NXPH1: variants seen among roughly 807,000 people sequenced by gnomAD.
The protein encoded by NXPH1 is neurexophilin-1.
NXPH1 carries 5 observed loss-of-function variants against 23.7 expected under a neutral mutation model. That is an observed-to-expected ratio of 0.21 (90% CI 0.11 to 0.44). The LOEUF (loss-of-function observed/expected upper bound fraction) is 0.44. Among genes scored for constraint, NXPH1 ranks in the 20% least tolerant of loss-of-function variants. The pLI is 0.99. For missense variants in NXPH1, 324 were observed against 321.6 expected, an observed-to-expected ratio of 1.01 and a Z score of -0.06; for synonymous variants, 144 against 122.2, an observed-to-expected ratio of 1.18 and a Z score of -1.18.
rs564773622 is a variant in NXPH1 at position 8,458,408 on chromosome 7, T to C, written c.54+22641T>C. 2.0e-5 allele frequency among the ~76,000 whole-genome samples: 3 copies of C among 152,340 alleles called. No homozygotes were observed. In the South Asian group the frequency reaches 6.2e-4, roughly 32 times the overall value. ...AACATTCTAATACAGATTCCTAATA[T>C]ACCCTGATACAGATTCTCTCAGTTT... On this transcript the variant is annotated intron_variant, in intron 2 of 2. Transcript: ENST00000405863.
intron 2 of NXPH1, among the ~76,000 whole-genome samples, chr7:8,681,499 G>A (rs955533119): frequency 7.9e-5 from 12 of 152,012 alleles, no homozygotes; most frequent in Admixed American, 7.2e-4. Context: ...TCCATGAGTT[G>A]GAACTGTGCC....
chr7:8,647,050 C>T (rs756549876), intron 2 of NXPH1, among the ~76,000 whole-genome samples: 18 of 152,154 alleles, frequency 1.2e-4, no homozygotes, highest in South Asian at 2.1e-4. Flanking sequence ...CCTAGCCACC[C>T]CTGGGACAGG....
chr7:8,667,996 GT>G (rs1820802147), intron 2 of NXPH1, among the ~76,000 whole-genome samples: 2 of 151,562 alleles, frequency 1.3e-5, no homozygotes, highest in Admixed American at 1.3e-4. Flanking sequence ...TTTTGTTGTT[GT>G]TGTTGTTGTT....
intron 2 of NXPH1, among the ~76,000 whole-genome samples, chr7:8,536,253 C>T (rs911997673): frequency 3.3e-5 from 5 of 151,966 alleles, no homozygotes; most frequent in African/African-American, 9.7e-5. Context: ...CATGTATCAA[C>T]GCATATAATA....
chr7:8,654,361 A>T (rs1820539452), intron 2 of NXPH1, among the ~76,000 whole-genome samples: 1 of 152,204 alleles, frequency 6.6e-6, no homozygotes, highest in Non-Finnish European at 1.5e-5. Context: ...TGTGTAGCTC[A>T]GCTGTTTTGA....
Position 8,708,695 on chromosome 7 carries a change from A to AT in NXPH1, c.55-42303dup, listed in dbSNP as rs143158399. ...TGTTTCTCTATATCCACCCCATACA[A>AT]TTTTTTTTTTACAGAATTGCATTTA... On this transcript the variant is annotated intron_variant, in intron 2 of 2. Transcript: ENST00000405863. Among the ~76,000 whole-genome samples, 636 of 149,734 alleles carry AT rather than the reference A, an allele frequency of 4.2e-3. 3 individuals are homozygous for AT. Among genetic ancestry groups the AT allele is most frequent in the African/African-American group, 9.7e-3 (399 of 40,960 alleles).
At chr7:8,445,558 G>A (rs747795217) in intron 2 of NXPH1, among the ~76,000 whole-genome samples, 2 of 152,030 alleles carry the variant, frequency 1.3e-5, no homozygotes, top group African/African-American at 2.4e-5. Context: ...ATTGAAAACC[G>A]CAGACTAAAA....
intron 2 of NXPH1, among the ~76,000 whole-genome samples, chr7:8,623,060 G>A (rs1305184471): frequency 1.3e-5 from 2 of 152,154 alleles, no homozygotes; most frequent in African/African-American, 4.8e-5. Flanking sequence ...GTGTGCTCCA[G>A]GGAGCAGTTT....
chr7:8,740,492 T>A (rs909719586), intron 2 of NXPH1, among the ~76,000 whole-genome samples: 4 of 152,132 alleles, frequency 2.6e-5, no homozygotes, highest in African/African-American at 9.7e-5. Context: ...AGATAGACAA[T>A]GATGAAGTAG....
chr7:8,467,694 T>G (rs1816807238), intron 2 of NXPH1, among the ~76,000 whole-genome samples: 1 of 152,152 alleles, frequency 6.6e-6, no homozygotes, highest in Non-Finnish European at 1.5e-5. Flanking sequence ...TCTTGGAAGT[T>G]CAGGGGAATC....
intron 2 of NXPH1, among the ~76,000 whole-genome samples, chr7:8,478,756 A>T (rs1817022804): frequency 6.6e-6 from 1 of 152,126 alleles, no homozygotes; most frequent in Admixed American, 6.6e-5. Flanking sequence ...ATCAAACCAA[A>T]AGTGATTTGT....
intron 2 of NXPH1, among the ~76,000 whole-genome samples, chr7:8,468,750 T>C (rs1024698229): frequency 1.3e-5 from 2 of 152,086 alleles, no homozygotes; most frequent in African/African-American, 2.4e-5. Flanking sequence ...TGTAAGTTTT[T>C]CCCTAATGGT....
At chr7:8,544,041 C>T (rs1818159274) in intron 2 of NXPH1, among the ~76,000 whole-genome samples, 1 of 151,568 alleles carries the variant, frequency 6.6e-6, no homozygotes, top group Non-Finnish European at 1.5e-5. Flanking sequence ...ATCCGCAATC[C>T]AACTCTCCAG....
intron 2 of NXPH1, among the ~76,000 whole-genome samples, chr7:8,486,989 A>C (rs971404084): frequency 2.0e-5 from 3 of 152,044 alleles, no homozygotes; most frequent in Non-Finnish European, 4.4e-5. Context: ...TCTATTTTCC[A>C]TGATCAGATA....
At chr7:8,726,989 C>T (rs1218266211) in intron 2 of NXPH1, among the ~76,000 whole-genome samples, 11 of 147,776 alleles carry the variant, frequency 7.4e-5, no homozygotes, top group Non-Finnish European at 1.5e-4. Flanking sequence ...ACATCCTCTC[C>T]AGCACCTGTT....
chr7:8,501,503 A>C (rs1435037547), intron 2 of NXPH1, among the ~76,000 whole-genome samples: 4 of 152,094 alleles, frequency 2.6e-5, no homozygotes, highest in Admixed American at 6.5e-5. Context: ...AAAAAATTTC[A>C]TAGTGATTCT....
intron 2 of NXPH1, among the ~76,000 whole-genome samples, chr7:8,668,275 G>GTTTTTTTTTT (rs1562448816): frequency 2.1e-5 from 1 of 47,846 alleles, no homozygotes; most frequent in East Asian, 7.9e-4. Flanking sequence ...TTTTTATTTT[G>GTTTTTTTTTT]TTGTTGTTGT....
chr7:8,648,120 G>A (rs921388771), intron 2 of NXPH1, among the ~76,000 whole-genome samples: 9 of 151,916 alleles, frequency 5.9e-5, no homozygotes, highest in Non-Finnish European at 2.9e-5. Context: ...CATGGAGAAT[G>A]GGGTATCCAT....
chr7:8,694,466 GA>G (rs1225882804), intron 2 of NXPH1, among the ~76,000 whole-genome samples: 5 of 151,750 alleles, frequency 3.3e-5, no homozygotes, highest in African/African-American at 4.8e-5. Context: ...ATATGGTAGA[GA>G]AAAAAAAGGC....
Sources: allele counts gnomAD v4.1 joint callset (sites outside exome capture counted in the v4.1 genomes callset), GRCh38; gene constraint gnomAD v4.1.1; transcripts MANE v1.5; gene names NCBI Gene and HGNC (gene_info 2026-07-23, HGNC 2026-07-21).